Variants in MAPKAP1 observed in about 807,000 individuals in gnomAD.
MAPKAP1 encodes target of rapamycin complex 2 subunit MAPKAP1.
In MAPKAP1, 20 loss-of-function variants were observed where a neutral mutation model predicts 65.7. The ratio of observed to expected loss-of-function variants is 0.30; its 90% CI spans 0.21 to 0.44. The LOEUF is 0.44. MAPKAP1 is among the 20% of genes least tolerant of loss of function. MAPKAP1 has a pLI of 1.00. For missense variants in MAPKAP1, 423 were observed against 648.0 expected (o/e 0.65, Z 3.77); for synonymous variants, 222 against 244.3 (o/e 0.91, Z 0.85).
At chr9:125,502,456 T>C (rs1277746376) in intron 8 of MAPKAP1, among the ~76,000 whole-genome samples, 2 of 152,222 alleles carry the variant, frequency 1.3e-5, no homozygotes, top group African/African-American at 2.4e-5. Context: ...TTCCTTCAAA[T>C]ACCATTTTAG....
At chr9:125,537,907 A>AGTG (rs1253357325) in intron 7 of MAPKAP1, among the ~76,000 whole-genome samples, 1 of 152,216 alleles carries the variant, frequency 6.6e-6, no homozygotes, top group Non-Finnish European at 1.5e-5. Context: ...CTAGTACAGC[A>AGTG]GGTCCACAGT....
At chr9:125,568,634 C>T (rs1341807434) in intron 5 of MAPKAP1, 1 of 152,306 alleles carries the variant, frequency 6.6e-6, no homozygotes, top group Non-Finnish European at 1.5e-5. Context: ...TGGGGCCCAT[C>T]TGAGGGCAAA....
chr9:125,521,067 A>G (rs2133115080), intron 7 of MAPKAP1, among the ~76,000 whole-genome samples: 1 of 152,350 alleles, frequency 6.6e-6, no homozygotes, highest in African/African-American at 2.4e-5. Flanking sequence ...ACATCAGAAC[A>G]AGAAGAGGTA....
chr9:125,527,431 T>C (rs1429709090), intron 7 of MAPKAP1, among the ~76,000 whole-genome samples: 1 of 152,246 alleles, frequency 6.6e-6, no homozygotes, highest in Non-Finnish European at 1.5e-5. Flanking sequence ...AGTAATTCCC[T>C]GTCCCATTCT....
At chr9:125,606,795 T>C (rs1832451363) in intron 4 of MAPKAP1, among the ~76,000 whole-genome samples, 1 of 152,232 alleles carries the variant, frequency 6.6e-6, no homozygotes. Context: ...ATGTTCACCC[T>C]ACTGAAGAAA....
chr9:125,496,532 T>C (rs1004364763), intron 8 of MAPKAP1, among the ~76,000 whole-genome samples: 4 of 152,136 alleles, frequency 2.6e-5, no homozygotes, highest in African/African-American at 7.2e-5. Context: ...ATGATAGAAA[T>C]TGGGGAGATC....
intron 4 of MAPKAP1, among the ~76,000 whole-genome samples, chr9:125,598,528 C>T (rs1418156390): frequency 3.3e-5 from 5 of 152,080 alleles, no homozygotes; most frequent in Non-Finnish European, 7.4e-5. Flanking sequence ...ATCTGGGTAC[C>T]TCCAGGATCC....
chr9:125,609,744 A>G (rs191803275), intron 4 of MAPKAP1, among the ~76,000 whole-genome samples: 93 of 152,184 alleles, frequency 6.1e-4, no homozygotes, highest in South Asian at 2.3e-3. Context: ...CCCACATTCA[A>G]TTTTACACTA....
intron 1 of MAPKAP1, among the ~76,000 whole-genome samples, chr9:125,698,169 C>T (rs764079738): frequency 2.7e-4 from 40 of 146,742 alleles, no homozygotes; most frequent in Non-Finnish European, 4.8e-4. Context: ...TACGTATATA[C>T]AAAAAGTATA....
At chr9:125,459,607 G>A (rs1853381881) in intron 10 of MAPKAP1, among the ~76,000 whole-genome samples, 1 of 152,190 alleles carries the variant, frequency 6.6e-6, no homozygotes, top group South Asian at 2.1e-4. Context: ...GCGGTTAGGA[G>A]CTGGAGACCA....
rs1852359887 is a variant in MAPKAP1, at chr9:125,438,135, G to A, written c.*752C>T. 7.8e-6 allele frequency: 3 copies of A among 385,018 alleles called. No individual in the cohort carries two copies. In the East Asian group the frequency reaches 1.1e-4, roughly 14 times the overall value. The allele number at this position is 385,018 out of a possible 1,614,324, so 23.9% of individuals were successfully genotyped here. ...TGGCTGGGAGTGCAGCGTGCCTGAGGACCAGCCACCGCCCCTCCTCCTGGC... is the reference window on the plus strand; with the variant it reads ...TGGCTGGGAGTGCAGCGTGCCTGAGAACCAGCCACCGCCCCTCCTCCTGGC... On this transcript the variant is annotated 3_prime_UTR_variant, in exon 12 of 12. Transcript: ENST00000265960.
At chr9:125,701,235 G>A (rs914819574) in intron 1 of MAPKAP1, among the ~76,000 whole-genome samples, 1 of 152,102 alleles carries the variant, frequency 6.6e-6, no homozygotes, top group Non-Finnish European at 1.5e-5. Context: ...AAATGAGTCC[G>A]CAGGGAACTG....
chr9:125,699,328 C>T lies in MAPKAP1; in HGVS notation c.-70+7643G>A, dbSNP rs573845213. On this transcript the variant is annotated intron_variant, in intron 1 of 11. Transcript: ENST00000265960. The stretch of plus-strand genomic sequence containing the variant: ...GGCTCAAACGATCCTCCTGCCTCGG[C>T]CTCCCAAGTAGCTGGGACTACAGGC... Among the ~76,000 whole-genome samples, 3 of 152,184 alleles carry T rather than the reference C, an allele frequency of 2.0e-5. No individual in the cohort carries two copies. In the East Asian group the frequency reaches 5.8e-4, roughly 29 times the overall value.
At chr9:125,485,731 T>C (rs544934061) in intron 8 of MAPKAP1, among the ~76,000 whole-genome samples, 1 of 152,308 alleles carries the variant, frequency 6.6e-6, no homozygotes, top group East Asian at 1.9e-4. Flanking sequence ...TTTCTGATGG[T>C]TCTTCTGGAA....
intron 5 of MAPKAP1, among the ~76,000 whole-genome samples, chr9:125,581,561 A>T (rs1309663073): frequency 1.3e-5 from 2 of 152,180 alleles, no homozygotes; most frequent in Non-Finnish European, 2.9e-5. Flanking sequence ...TTGGGTTCTC[A>T]GTTCTTTACC....
intron 8 of MAPKAP1, among the ~76,000 whole-genome samples, chr9:125,495,633 G>A (rs75243379): frequency 0.014 from 2,128 of 152,218 alleles, 46 homozygotes; most frequent in African/African-American, 0.047. Context: ...ATGATAAAAC[G>A]GAAACGGGGG....
At chr9:125,461,556 A>G (rs1353127607) in intron 10 of MAPKAP1, among the ~76,000 whole-genome samples, 3 of 152,184 alleles carry the variant, frequency 2.0e-5, no homozygotes, top group African/African-American at 7.2e-5. Flanking sequence ...CTTTGACAGG[A>G]TAGATGAAGA....
intron 4 of MAPKAP1, among the ~76,000 whole-genome samples, chr9:125,640,112 C>CTTTTT (rs1272696614): frequency 2.0e-5 from 3 of 150,924 alleles, no homozygotes; most frequent in South Asian, 2.1e-4. Context: ...CTGTTTATCC[C>CTTTTT]TTTTTTTTTG....
intron 1 of MAPKAP1, among the ~76,000 whole-genome samples, chr9:125,684,507 G>A (rs73593575): frequency 0.011 from 1,637 of 152,220 alleles, 33 homozygotes; most frequent in African/African-American, 0.037. Context: ...CAACTCCCTC[G>A]AAACTGTTTT....
Sources: gnomAD v4.1 joint callset for allele counts (sites outside exome capture counted in the v4.1 genomes callset) on GRCh38, gnomAD v4.1.1 for gene constraint, MANE v1.5 for transcripts, NCBI Gene and HGNC (gene_info 2026-07-23, HGNC 2026-07-21) for gene names.